Variants in CSRNP3 observed in about 807,000 individuals in gnomAD.
CSRNP3 encodes cysteine/serine-rich nuclear protein 3.
A neutral mutation model predicts 48.0 loss-of-function variants in CSRNP3; 12 were observed. That is an observed-to-expected ratio of 0.25 (90% confidence interval 0.16 to 0.41). The LOEUF is 0.41. Among genes scored for constraint, CSRNP3 ranks in the 10% least tolerant of loss-of-function variants. The probability of loss-of-function intolerance (pLI) is 1.00; values close to 1 mark genes in which losing one functional copy is unlikely to be tolerated. For missense variants in CSRNP3, 580 were observed against 724.4 expected (o/e 0.80, Z 2.29); for synonymous variants, 263 against 269.7 (o/e 0.98, Z 0.24).
At chr2:165,576,210 C>T (rs909370631) in intron 3 of CSRNP3, among the ~76,000 whole-genome samples, 6 of 151,270 alleles carry the variant, frequency 4.0e-5, no homozygotes, top group Admixed American at 1.3e-4. Flanking sequence ...TATATACACA[C>T]ACACACACAT....
chr2:165,590,583 G>A (rs1685700247), intron 3 of CSRNP3, among the ~76,000 whole-genome samples: 1 of 152,180 alleles, frequency 6.6e-6, no homozygotes, highest in African/African-American at 2.4e-5. Flanking sequence ...ATCCCCACAT[G>A]TCATGGGATG....
intron 3 of CSRNP3, among the ~76,000 whole-genome samples, chr2:165,579,450 T>G (rs911373342): frequency 2.0e-5 from 3 of 152,238 alleles, no homozygotes; most frequent in Non-Finnish European, 2.9e-5. Flanking sequence ...TTTCCATCTT[T>G]GTACCTCTGC....
At chr2:165,518,170 G>C (rs1209830675) in intron 3 of CSRNP3, among the ~76,000 whole-genome samples, 1 of 151,930 alleles carries the variant, frequency 6.6e-6, no homozygotes, top group Non-Finnish European at 1.5e-5. Context: ...TGTCTTAATA[G>C]AGAACTACTG....
At chr2:165,667,558 A>C (rs992032875) in intron 5 of CSRNP3, among the ~76,000 whole-genome samples, 1 of 152,142 alleles carries the variant, frequency 6.6e-6, no homozygotes, top group African/African-American at 2.4e-5. Flanking sequence ...TTGCCTCAAA[A>C]CATAAATTGT....
At chr2:165,521,191 G>GAAAAAC (rs1455546389) in intron 3 of CSRNP3, among the ~76,000 whole-genome samples, 4 of 125,748 alleles carry the variant, frequency 3.2e-5, no homozygotes, top group Non-Finnish European at 7.2e-5. Flanking sequence ...AAAAGAAAAA[G>GAAAAAC]AAAATTAGAG....
At chr2:165,508,851 C>T (rs1466052313) in intron 2 of CSRNP3, among the ~76,000 whole-genome samples, 1 of 152,006 alleles carries the variant, frequency 6.6e-6, no homozygotes, top group East Asian at 1.9e-4. Flanking sequence ...TCTGTCTTTC[C>T]CCTATGGGTG....
intron 1 of CSRNP3, among the ~76,000 whole-genome samples, chr2:165,476,808 T>C (rs1399085076): frequency 6.6e-6 from 1 of 152,254 alleles, no homozygotes; most frequent in African/African-American, 2.4e-5. Flanking sequence ...TTGTGAAGAT[T>C]GGCAGGTGTA....
chr2:165,643,602 TTAA>T (rs1686763859), intron 4 of CSRNP3, among the ~76,000 whole-genome samples: 1 of 152,206 alleles, frequency 6.6e-6, no homozygotes, highest in South Asian at 2.1e-4. Flanking sequence ...TCTGTGAACA[TTAA>T]TAGGATAACT....
At chr2:165,473,208 T>G (rs1683916154) in intron 1 of CSRNP3, among the ~76,000 whole-genome samples, 1 of 152,174 alleles carries the variant, frequency 6.6e-6, no homozygotes, top group African/African-American at 2.4e-5. Flanking sequence ...TCATGCTTCT[T>G]TCTTTGCTAA....
chr2:165,520,709 T>C (rs1179981758), intron 3 of CSRNP3, among the ~76,000 whole-genome samples: 1 of 132,062 alleles, frequency 7.6e-6, no homozygotes, highest in Non-Finnish European at 1.7e-5. Context: ...TATCTATCTA[T>C]CTGTCTATCT....
intron 3 of CSRNP3, among the ~76,000 whole-genome samples, chr2:165,541,929 G>T (rs1684963592): frequency 6.6e-6 from 1 of 152,074 alleles, no homozygotes; most frequent in African/African-American, 2.4e-5. Context: ...GATCACATAG[G>T]TAGAGACCAA....
chr2:165,666,869 AAGAGAG>A (rs141944821), intron 5 of CSRNP3, among the ~76,000 whole-genome samples: 1 of 106,672 alleles, frequency 9.4e-6, no homozygotes. Context: ...GAGAGTAAGA[AAGAGAG>A]AGAGGAAGAA....
At chr2:165,575,237 A>G (rs1685429301) in intron 3 of CSRNP3, among the ~76,000 whole-genome samples, 1 of 152,160 alleles carries the variant, frequency 6.6e-6, no homozygotes, top group Non-Finnish European at 1.5e-5. Flanking sequence ...CACCAAATAA[A>G]TGTGTACTCA....
intron 3 of CSRNP3, among the ~76,000 whole-genome samples, chr2:165,576,523 A>G (rs1685453642): frequency 6.6e-6 from 1 of 152,072 alleles, no homozygotes; most frequent in Non-Finnish European, 1.5e-5. Flanking sequence ...AGAAAACGTG[A>G]TAATAGACAA....
intron 3 of CSRNP3, among the ~76,000 whole-genome samples, chr2:165,543,414 G>C (rs1319066446): frequency 1.3e-5 from 2 of 151,964 alleles, no homozygotes; most frequent in African/African-American, 4.8e-5. Context: ...ACATTTAAAT[G>C]ATATATTAAT....
intron 5 of CSRNP3, among the ~76,000 whole-genome samples, chr2:165,673,733 A>G (rs1035874318): frequency 9.2e-5 from 14 of 152,156 alleles, no homozygotes; most frequent in Non-Finnish European, 1.9e-4. Context: ...GCTGATAACC[A>G]TTTTTAAAAA....
rs1350290834 is a variant in CSRNP3, at chr2:165,687,232, TAAAG to T, written c.*7485_*7488del. The T allele has an allele frequency of 1.3e-5, 2 of 152,078 alleles. No homozygotes were observed. The highest frequency in any genetic ancestry group is 2.4e-5 in the African/African-American group (1 of 41,400). The allele number at this position is 152,078 out of a possible 1,614,324, so 9.4% of individuals were successfully genotyped here. On this transcript the variant is annotated 3_prime_UTR_variant, in exon 7 of 7. Transcript: ENST00000651982. ...TAAGTCTCCTAAGAAATCAGATTTT[TAAAG>T]AAAGACACGGATTCAGAGACAATGG...
chr2:165,620,074 A>G (rs746530925), intron 4 of CSRNP3, among the ~76,000 whole-genome samples: 6 of 152,204 alleles, frequency 3.9e-5, no homozygotes, highest in Non-Finnish European at 8.8e-5. Flanking sequence ...AAAAGTAGAA[A>G]TAAAGTCAGT....
intron 2 of CSRNP3, among the ~76,000 whole-genome samples, chr2:165,495,516 T>C (rs993492062): frequency 6.6e-6 from 1 of 152,082 alleles, no homozygotes; most frequent in Non-Finnish European, 1.5e-5. Context: ...CTTAGTATGA[T>C]ATGTTCTAAC....
Sources: allele counts gnomAD v4.1 joint callset (sites outside exome capture counted in the v4.1 genomes callset), GRCh38; gene constraint gnomAD v4.1.1; transcripts MANE v1.5; gene names NCBI Gene and HGNC (gene_info 2026-07-23, HGNC 2026-07-21).